The following STRBP variants were observed in gnomAD, a reference collection of about 807,000 sequenced individuals.
STRBP encodes the protein spermatid perinuclear RNA-binding protein.
In STRBP, 13 loss-of-function variants were observed where a neutral mutation model predicts 80.1. That is an observed-to-expected ratio of 0.16 (90% CI 0.11 to 0.26). STRBP has a LOEUF of 0.26. STRBP is among the 10% of genes least tolerant of loss of function. The probability of loss-of-function intolerance (pLI) is 1.00; values close to 1 mark genes in which losing one functional copy is unlikely to be tolerated. For synonymous variants in STRBP, 284 were observed against 291.2 expected (o/e 0.98, Z 0.25); for missense variants, 485 against 815.2 (o/e 0.59, Z 4.93).
chr9:123,186,541 T>C (rs1447719022), intron 2 of STRBP, among the ~76,000 whole-genome samples: 1 of 151,196 alleles, frequency 6.6e-6, no homozygotes, highest in East Asian at 1.9e-4. Flanking sequence ...CAATAACTCA[T>C]GAAAAAAAAA....
At chr9:123,190,079 A>C (rs1479823682) in intron 2 of STRBP, among the ~76,000 whole-genome samples, 2 of 152,092 alleles carry the variant, frequency 1.3e-5, no homozygotes, top group Non-Finnish European at 2.9e-5. Flanking sequence ...CAGGAGTTCA[A>C]GGCCAGCCTG....
intron 2 of STRBP, among the ~76,000 whole-genome samples, chr9:123,219,332 C>A (rs555011249): frequency 1.3e-5 from 2 of 152,316 alleles, no homozygotes; most frequent in East Asian, 3.9e-4. Flanking sequence ...TTCAACCCCC[C>A]ACAAACTCTG....
chr9:123,263,006 T>G (rs972965104), intron 1 of STRBP, among the ~76,000 whole-genome samples: 1 of 152,254 alleles, frequency 6.6e-6, no homozygotes, highest in Non-Finnish European at 1.5e-5. Context: ...TCAATAAAGT[T>G]TTCTAAAATT....
At chr9:123,183,450 G>C (rs1197506141) in intron 3 of STRBP, among the ~76,000 whole-genome samples, 5 of 149,472 alleles carry the variant, frequency 3.3e-5, no homozygotes, top group Non-Finnish European at 7.4e-5. Context: ...AAAAAAAAAA[G>C]AAACCTTTTC....
Position 123,115,410 on chromosome 9 carries a change from G to C in STRBP, c.*84+519C>G, listed in dbSNP as rs772521473. 4.2e-6 allele frequency: 2 copies of C among 470,828 alleles called. No individual in the cohort carries two copies. The highest frequency in any genetic ancestry group is 3.1e-5 in the South Asian group (2 of 64,556). The allele number at this position is 470,828 out of a possible 1,614,324, so 29.2% of individuals were successfully genotyped here. ...GCAAGGAGGATCCCTAGCAGGGAGG[G>C]GGAGACCCACTGAAGCCTTTCTCCC... On this transcript the variant is annotated intron_variant and NMD_transcript_variant, in intron 3 of 3. Transcript: ENST00000471564. This position sits in a 1 kb window ranked among gnomAD's most constrained non-coding sequence, Gnocchi z 5.0.
intron 4 of STRBP, among the ~76,000 whole-genome samples, chr9:123,178,474 C>A (rs951720865): frequency 3.3e-5 from 5 of 152,104 alleles, no homozygotes; most frequent in Non-Finnish European, 7.4e-5. Context: ...GGGTGTGGGT[C>A]CCATTAGATC....
At chr9:123,234,104 G>A (rs1356364461) in intron 2 of STRBP, among the ~76,000 whole-genome samples, 1 of 151,624 alleles carries the variant, frequency 6.6e-6, no homozygotes, top group Non-Finnish European at 1.5e-5. Context: ...AGGAGGCTGA[G>A]GCAGGAGAAT....
intron 1 of STRBP, among the ~76,000 whole-genome samples, chr9:123,263,777 G>A (rs1388774248): frequency 2.0e-5 from 3 of 152,196 alleles, no homozygotes; most frequent in South Asian, 2.1e-4. Flanking sequence ...GAAGCTTGAC[G>A]TCACTAGCAG....
intron 3 of STRBP, 44 bp downstream of exon 3, chr9:123,184,088 G>T: frequency 1.9e-6 from 3 of 1,567,614 alleles, no homozygotes; most frequent in Non-Finnish European, 2.6e-6. Flanking sequence ...TAAATTACTG[G>T]AGTCTTTTGT....
intron 2 of STRBP, among the ~76,000 whole-genome samples, chr9:123,188,843 T>C (rs2038805224): frequency 6.6e-6 from 1 of 152,196 alleles, no homozygotes; most frequent in Admixed American, 6.5e-5. Flanking sequence ...AGTAACTGAC[T>C]AGGAAACCTT....
chr9:123,149,769 T>A (rs1340020181), intron 11 of STRBP, among the ~76,000 whole-genome samples: 1 of 152,214 alleles, frequency 6.6e-6, no homozygotes, highest in Admixed American at 6.5e-5. Context: ...TTAATCCTCA[T>A]GAGCACCCTC....
At chr9:123,191,797 T>C (rs2038936042) in intron 2 of STRBP, among the ~76,000 whole-genome samples, 1 of 152,168 alleles carries the variant, frequency 6.6e-6, no homozygotes, top group Admixed American at 6.5e-5. Context: ...TTTAGGGCCC[T>C]TCTGGTCACT....
chr9:123,185,101 A>T (rs1163096711), intron 2 of STRBP, among the ~76,000 whole-genome samples: 3 of 150,900 alleles, frequency 2.0e-5, no homozygotes, highest in African/African-American at 7.3e-5. Flanking sequence ...AAAAAAATTA[A>T]AAAAAAAAAC....
intron 2 of STRBP, among the ~76,000 whole-genome samples, chr9:123,200,762 T>TTTTTTTTTTTTTTTTTTTTTA (rs1554762956): frequency 7.5e-6 from 1 of 133,486 alleles, no homozygotes; most frequent in African/African-American, 2.9e-5. Flanking sequence ...TTTTTTTTTT[T>TTTTTTTTTTTTTTTTTTTTTA]AGTAGAGACC....
intron 1 of STRBP, among the ~76,000 whole-genome samples, chr9:123,263,313 C>T (rs1447468445): frequency 6.6e-6 from 1 of 151,898 alleles, no homozygotes; most frequent in African/African-American, 2.4e-5. Flanking sequence ...GCCCAGAAGT[C>T]CAAGATCAGC....
In STRBP at chr9:123,115,111, C is replaced by A; in HGVS notation, c.*84+818G>T. ...CCACCCAGGGCCTTTTAAGAAGTGACTGCAGACTGTGTGTCCCACCTGCCA... is the reference window on the plus strand; with the variant it reads ...CCACCCAGGGCCTTTTAAGAAGTGAATGCAGACTGTGTGTCCCACCTGCCA... On this transcript the variant is annotated intron_variant and NMD_transcript_variant, in intron 3 of 3. Transcript: ENST00000471564. The surrounding 1 kb of genome is among the most constrained non-coding windows in gnomAD (Gnocchi z 5.0). The A allele has an allele frequency of 2.3e-6, 1 of 431,776 alleles. No individual in the cohort carries two copies. The highest frequency in any genetic ancestry group is 4.9e-6 in the Non-Finnish European group (1 of 206,038). The allele number at this position is 431,776 out of a possible 1,614,324, so 26.7% of individuals were successfully genotyped here. A position where few individuals can be genotyped will look rare whatever the true frequency, so the allele number is the denominator to read the frequency against.
chr9:123,222,184 T>C (rs1021075637), intron 2 of STRBP, among the ~76,000 whole-genome samples: 1 of 152,060 alleles, frequency 6.6e-6, no homozygotes, highest in Non-Finnish European at 1.5e-5. Context: ...TTTCTTTTTT[T>C]TTTTTCCACT....
rs1271085830 is a variant in STRBP, at chr9:123,157,096, AG to A, written c.1045+915del. ...AGCTAACTGCTCAAGGCCTAAAACTAGGAAGTGGTGGAGCTATGATTGGAAC... is the reference window on the plus strand; with the variant it reads ...AGCTAACTGCTCAAGGCCTAAAACTAGAAGTGGTGGAGCTATGATTGGAAC... On this transcript the variant is annotated intron_variant, in intron 11 of 18. Transcript: ENST00000348403. Among the ~76,000 whole-genome samples the A allele has an allele frequency of 3.3e-5, 5 of 152,274 alleles. No homozygotes were observed. The South Asian group carries it at 6.2e-4, about 19-fold the overall frequency.
chr9:123,258,167 C>T (rs939708921), intron 1 of STRBP, among the ~76,000 whole-genome samples: 2 of 152,174 alleles, frequency 1.3e-5, no homozygotes, highest in Non-Finnish European at 2.9e-5. Flanking sequence ...ATGCCAGGCA[C>T]TGTTCTACTA....
Sources: gnomAD v4.1 joint callset for allele counts (sites outside exome capture counted in the v4.1 genomes callset) on GRCh38, gnomAD v4.1.1 for gene constraint, Gnocchi (gnomAD v3.1) non-coding constraint, MANE v1.5 for transcripts, NCBI Gene and HGNC (gene_info 2026-07-23, HGNC 2026-07-21) for gene names.